ZC2HC1B: variants seen among roughly 807,000 people sequenced by gnomAD.
ZC2HC1B encodes zinc finger C2HC-type containing 1B.
ZC2HC1B carries 36 observed loss-of-function variants against 31.0 expected under a neutral mutation model. The ratio of observed to expected loss-of-function variants is 1.16; its 90% confidence interval spans 0.89 to 1.54. The LOEUF is 1.54. Ranked by LOEUF, ZC2HC1B falls within the 40% of genes most tolerant of loss-of-function variation. The pLI is 0.00. For synonymous variants in ZC2HC1B, 73 were observed against 88.0 expected (o/e 0.83, Z 0.95); for missense variants, 260 against 268.6 (o/e 0.97, Z 0.22).
At chr6:143,898,490 T>C in intron 4 of ZC2HC1B, 62 bp from the exon 5 acceptor site, 1 of 1,515,840 alleles carries the variant, frequency 6.6e-7, no homozygotes, top group Non-Finnish European at 8.9e-7. Flanking sequence ...TCTATAATTC[T>C]ATAGTATTCT....
At chr6:143,893,933 ACCT>A (rs1198199405) in intron 4 of ZC2HC1B, among the ~76,000 whole-genome samples, 2 of 151,864 alleles carry the variant, frequency 1.3e-5, no homozygotes, top group Non-Finnish European at 2.9e-5. Flanking sequence ...TGATCCACCC[ACCT>A]CAGCCTCCCA....
intron 6 of ZC2HC1B, among the ~76,000 whole-genome samples, chr6:143,929,268 C>T (rs1450661629): frequency 6.6e-6 from 1 of 152,014 alleles, no homozygotes; most frequent in Non-Finnish European, 1.5e-5. Flanking sequence ...CCTTCTATGC[C>T]TTGTTTGTTG....
rs564283185 is a variant in ZC2HC1B at position 143,926,912 on chromosome 6, G to A, written c.599-10737G>A. 1.6e-4 allele frequency among the ~76,000 whole-genome samples: 19 copies of A among 121,998 alleles called. No individual in the cohort carries two copies. In the Admixed American group the frequency reaches 2.0e-3, roughly 13 times the overall value. 80.0% of individuals were successfully genotyped at this position (121,998 alleles called of 152,430 possible). On this transcript the variant is annotated intron_variant, in intron 6 of 7. Transcript: ENST00000237275. ...TGCAAGCTCCGCTTCCCGGGTTCAC[G>A]CCATTCTCCTGCCTCAGCCTCCCGA...
chr6:143,910,720 C>T (rs945771487), intron 6 of ZC2HC1B, among the ~76,000 whole-genome samples: 1 of 151,966 alleles, frequency 6.6e-6, no homozygotes, highest in Non-Finnish European at 1.5e-5. Context: ...TTATGTAATG[C>T]CCTTCTTTTG....
rs1019788816 is a variant in ZC2HC1B at position 143,887,181 on chromosome 6, A to C, written c.349+360A>C. Reference sequence around the variant, plus strand: ...TTTTTTTCCAGGTAAAATTCCCAAAACATGAAATTTAGCATTTTAACCATT... The same window carrying C: ...TTTTTTTCCAGGTAAAATTCCCAAACCATGAAATTTAGCATTTTAACCATT... On this transcript the variant is annotated intron_variant, in intron 4 of 7. Coordinates refer to ENST00000237275, the MANE Select transcript of ZC2HC1B (RefSeq NM_001013623.3). The surrounding 1 kb of genome is among the most constrained non-coding windows in gnomAD (Gnocchi z 5.1). Among the ~76,000 whole-genome samples the C allele has an allele frequency of 6.6e-6, 1 of 152,064 alleles. No individual in the cohort carries two copies. Among genetic ancestry groups the C allele is most frequent in the African/African-American group, 2.4e-5 (1 of 41,402 alleles).
In ZC2HC1B at chr6:143,905,070, A is replaced by T. The variant is rs532970611; in HGVS notation, c.598+1918A>T. ...TTGGGATCCCTTGAGATTCCATGTGAATTTTAGGTTGGGCTTTTTTATTTC... is the reference window on the plus strand; with the variant it reads ...TTGGGATCCCTTGAGATTCCATGTGTATTTTAGGTTGGGCTTTTTTATTTC... On this transcript the variant is annotated intron_variant, in intron 6 of 7. Transcript: ENST00000237275. The surrounding 1 kb of genome is among the most constrained non-coding windows in gnomAD (Gnocchi z 4.2). 3.9e-5 allele frequency among the ~76,000 whole-genome samples: 6 copies of T among 152,276 alleles called. No individual in the cohort carries two copies. Among genetic ancestry groups the T allele is most frequent in the African/African-American group, 1.4e-4 (6 of 41,560 alleles).
chr6:143,918,085 C>T lies in ZC2HC1B; in HGVS notation c.598+14933C>T, dbSNP rs1777939338. Among the ~76,000 whole-genome samples, 1 of 152,180 alleles carries T rather than the reference C, an allele frequency of 6.6e-6. No homozygotes were observed. Among genetic ancestry groups the T allele is most frequent in the African/African-American group, 2.4e-5 (1 of 41,448 alleles). ...CCTCCCACTTCACCTTGCAGGACTC[C>T]CTTGAGTATTTCTTGCAGGGCAGGT... On this transcript the variant is annotated intron_variant, in intron 6 of 7. Transcript: ENST00000237275. This position sits in a 1 kb window ranked among gnomAD's most constrained non-coding sequence, Gnocchi z 4.1.
intron 1 of ZC2HC1B, among the ~76,000 whole-genome samples, chr6:143,875,657 C>A (rs1006152321): frequency 1.3e-5 from 2 of 150,592 alleles, no homozygotes; most frequent in East Asian, 3.8e-4. Flanking sequence ...GTGTATCGCA[C>A]CTCCTCATGG....
intron 1 of ZC2HC1B, among the ~76,000 whole-genome samples, chr6:143,880,747 CAAAA>C (rs1011069441): frequency 6.9e-6 from 1 of 145,362 alleles, no homozygotes; most frequent in African/African-American, 2.5e-5. Flanking sequence ...ACTTTATTTA[CAAAA>C]AAAAAAGGCG....
rs1777349270 is a variant in ZC2HC1B, at chr6:143,872,198, T to G, written c.28+7631T>G. 6.6e-6 allele frequency among the ~76,000 whole-genome samples: 1 copy of G among 152,198 alleles called. No homozygotes were observed. The highest frequency in any genetic ancestry group is 6.5e-5 in the Admixed American group (1 of 15,282). On this transcript the variant is annotated intron_variant, in intron 1 of 7. Transcript: ENST00000237275. This position sits in a 1 kb window ranked among gnomAD's most constrained non-coding sequence, Gnocchi z 5.5. ...TCAAGGGGACCCGGCCTCCCCTTCA[T>G]TCAAGCAGCTCTGGGTTCGTAAACT...
intron 6 of ZC2HC1B, 81 bp from the exon 7 acceptor site, chr6:143,937,568 G>T: frequency 7.9e-7 from 1 of 1,265,200 alleles, no homozygotes; most frequent in Non-Finnish European, 1.1e-6. Context: ...TTGAACCCAT[G>T]TGGGGATTTC....
chr6:143,870,214 G>A lies in ZC2HC1B; in HGVS notation c.28+5647G>A, dbSNP rs192862305. On this transcript the variant is annotated intron_variant, in intron 1 of 7. Transcript: ENST00000237275. This position sits in a 1 kb window ranked among gnomAD's most constrained non-coding sequence, Gnocchi z 4.7. ...TGCACAAGCAAGTGCACTGTTCAAA[G>A]TTCTGCCCACTGGGAAAATTTTCCC... Among the ~76,000 whole-genome samples the A allele has an allele frequency of 3.4e-4, 52 of 152,306 alleles. No homozygotes were observed. Among genetic ancestry groups the A allele is most frequent in the African/African-American group, 1.1e-3 (46 of 41,568 alleles).
chr6:143,937,515 C>T, intron 6 of ZC2HC1B, 134 bp from the exon 7 acceptor site: 1 of 474,628 alleles, frequency 2.1e-6, no homozygotes, highest in South Asian at 2.6e-5. Context: ...CTCCCCACCA[C>T]ACTCCCCCAC....
At position 143,924,938 on chromosome 6, in the gene ZC2HC1B, C is replaced by A. The variant is rs1001178358; in HGVS notation, c.599-12711C>A. Among the ~76,000 whole-genome samples the A allele has an allele frequency of 2.6e-5, 4 of 151,990 alleles. No individual in the cohort carries two copies. Among genetic ancestry groups the A allele is most frequent in the Non-Finnish European group, 5.9e-5 (4 of 68,010 alleles). On this transcript the variant is annotated intron_variant, in intron 6 of 7. Transcript: ENST00000237275. The surrounding 1 kb of genome is among the most constrained non-coding windows in gnomAD (Gnocchi z 5.2). ...GTCTGTGTTCATCAGGGGTATTGGCCTGTAGTTTTCTATTTCCATTATGTC... is the reference window on the plus strand; with the variant it reads ...GTCTGTGTTCATCAGGGGTATTGGCATGTAGTTTTCTATTTCCATTATGTC...
At chr6:143,925,989 G>A (rs1778036213) in intron 6 of ZC2HC1B, among the ~76,000 whole-genome samples, 1 of 151,978 alleles carries the variant, frequency 6.6e-6, no homozygotes, top group South Asian at 2.1e-4. Context: ...TTGTGATTTT[G>A]CTAATTCACA....
rs9496817 is a variant in ZC2HC1B at position 143,924,089 on chromosome 6, C to T, written c.599-13560C>T. ...CTTCTGAGTCATGAGCATGGGATAT[C>T]TTTCCATTTGTTTGTGTCCTCTTAA... is the stretch of plus-strand genomic sequence containing the variant. On this transcript the variant is annotated intron_variant, in intron 6 of 7. Transcript: ENST00000237275. This position sits in a 1 kb window ranked among gnomAD's most constrained non-coding sequence, Gnocchi z 5.2. Among the ~76,000 whole-genome samples, 2,561 of 152,026 alleles carry T rather than the reference C, an allele frequency of 0.017. 78 individuals carry two copies. Among genetic ancestry groups the T allele is most frequent in the African/African-American group, 0.058 (2,389 of 41,522 alleles).
At position 143,886,194 on chromosome 6, in the gene ZC2HC1B, G is replaced by T. The variant is rs1460966114; in HGVS notation, c.210+43G>T. The T allele has an allele frequency of 6.9e-7, 1 of 1,446,200 alleles. No individual in the cohort carries two copies. The highest frequency in any genetic ancestry group is 9.1e-7 in the Non-Finnish European group (1 of 1,100,132). 89.6% of individuals were successfully genotyped at this position (1,446,200 alleles called of 1,614,324 possible). On this transcript the variant is annotated intron_variant, in intron 3 of 7. Coordinates refer to ENST00000237275, the MANE Select transcript of ZC2HC1B (RefSeq NM_001013623.3). The surrounding 1 kb of genome is among the most constrained non-coding windows in gnomAD (Gnocchi z 4.2). Reference sequence around the variant, plus strand: ...TTTAGTGTTTGTTATTACATTCTGCGGTACTGTAAGGCCTATTTCTGGGAT... The same window carrying T: ...TTTAGTGTTTGTTATTACATTCTGCTGTACTGTAAGGCCTATTTCTGGGAT...
At chr6:143,931,041 T>C (rs1778113213) in intron 6 of ZC2HC1B, among the ~76,000 whole-genome samples, 2 of 152,232 alleles carry the variant, frequency 1.3e-5, no homozygotes, top group African/African-American at 4.8e-5. Flanking sequence ...GACTGGTCCT[T>C]GTATAATTAT....
chr6:143,927,080 G>A (rs986468090), intron 6 of ZC2HC1B, among the ~76,000 whole-genome samples: 4 of 151,456 alleles, frequency 2.6e-5, no homozygotes, highest in African/African-American at 4.9e-5. Context: ...TTACAGGCGT[G>A]AGCCACCGCG....
Sources: gnomAD v4.1 joint callset for allele counts (sites outside exome capture counted in the v4.1 genomes callset) on GRCh38, gnomAD v4.1.1 for gene constraint, Gnocchi (gnomAD v3.1) non-coding constraint, MANE v1.5 for transcripts, NCBI Gene and HGNC (gene_info 2026-07-23, HGNC 2026-07-21) for gene names.